Variants in P2RY12 observed in about 807,000 individuals in gnomAD.
P2RY12 encodes P2Y purinoceptor 12.
P2RY12 carries 3 observed loss-of-function variants against 4.5 expected under a neutral mutation model. That is an observed-to-expected ratio of 0.67 (90% confidence interval 0.31 to 1.74). P2RY12 has a LOEUF of 1.74. P2RY12 is among the 40% of genes most tolerant of loss of function. The pLI is 0.09. For missense variants in P2RY12, 356 were observed against 407.8 expected (o/e 0.87, Z 1.09); for synonymous variants, 148 against 154.1 (o/e 0.96, Z 0.29).
chr3:151,365,896 A>C (rs760027299), intron 1 of P2RY12: 1 of 1,613,532 alleles, frequency 6.2e-7, no homozygotes, highest in South Asian at 1.1e-5. Context: ...GGCTTGCTGC[A>C]CTGTTCTTAG....
chr3:151,346,803 C>T (rs1454147430), intron 1 of P2RY12, among the ~76,000 whole-genome samples: 2 of 152,098 alleles, frequency 1.3e-5, no homozygotes, highest in Non-Finnish European at 2.9e-5. Flanking sequence ...GAGCTGTCAC[C>T]TCTGTGTTAG....
chr3:151,382,851 G>A, intron 1 of P2RY12: 1 of 789,982 alleles, frequency 1.3e-6, no homozygotes, highest in Non-Finnish European at 2.0e-6. Context: ...ACAAGGTGAG[G>A]CCTTCCACTC....
chr3:151,338,266 A>G lies in P2RY12; in HGVS notation c.580T>C (p.Cys194Arg). 1 of 1,614,014 alleles carries G rather than the reference A, an allele frequency of 6.2e-7. No individual in the cohort carries two copies. Among genetic ancestry groups the G allele is most frequent in the Non-Finnish European group, 8.5e-7 (1 of 1,179,870 alleles). ...LVWHEIVNYI[C>R]QVIFWINFLI... ...AAATTAATCCAGAAAATGACTTGACAGATGTAATTTACTATTTCATGCCAG... is the reference window on the plus strand; with the variant it reads ...AAATTAATCCAGAAAATGACTTGACGGATGTAATTTACTATTTCATGCCAG... The change falls in exon 3 of 3, where the codon TGT becomes CGT. Residue 194 changes from cysteine (C) to arginine (R), a missense_variant. By Grantham distance (180) the Cys-to-Arg change is radical. Coordinates refer to ENST00000302632, the MANE Select transcript of P2RY12 (RefSeq NM_022788.5).
rs571932675 is a variant in P2RY12, at chr3:151,355,608, T to C, written c.-179-14848A>G. ...CATCTGTTTTGCTTTACAAATCCATTGATATTCAAATGGTTGTGTCTAAAA... is the reference window on the plus strand; with the variant it reads ...CATCTGTTTTGCTTTACAAATCCATCGATATTCAAATGGTTGTGTCTAAAA... On this transcript the variant is annotated intron_variant, in intron 1 of 2. Coordinates refer to ENST00000302632, the MANE Select transcript of P2RY12 (RefSeq NM_022788.5). Among the ~76,000 whole-genome samples, 12 of 152,344 alleles carry C rather than the reference T, an allele frequency of 7.9e-5. No homozygotes were observed. In the South Asian group the frequency reaches 2.5e-3, roughly 32 times the overall value.
intron 1 of P2RY12, among the ~76,000 whole-genome samples, chr3:151,354,065 C>T (rs962446532): frequency 4.4e-5 from 6 of 136,096 alleles, no homozygotes; most frequent in Non-Finnish European, 3.1e-5. Context: ...GGCGTGAACC[C>T]GGGAGGCGGA....
At chr3:151,344,561 G>A (rs1240762034) in intron 1 of P2RY12, among the ~76,000 whole-genome samples, 3 of 152,104 alleles carry the variant, frequency 2.0e-5, no homozygotes, top group Non-Finnish European at 4.4e-5. Context: ...GGTTTTTACT[G>A]CTTTTCTTAG....
chr3:151,384,247 G>T, intron 1 of P2RY12: 2 of 1,566,176 alleles, frequency 1.3e-6, no homozygotes, highest in African/African-American at 1.4e-5. Context: ...TGTATTATGA[G>T]CTCAAGTTGT....
chr3:151,363,978 G>T (rs1339986854), intron 1 of P2RY12, among the ~76,000 whole-genome samples: 5 of 151,980 alleles, frequency 3.3e-5, no homozygotes, highest in Non-Finnish European at 7.4e-5. Context: ...GGCTGCCATT[G>T]ATGCAAGTAT....
At chr3:151,374,802 C>CAA (rs201410926) in intron 1 of P2RY12, among the ~76,000 whole-genome samples, 4,337 of 152,226 alleles carry the variant, frequency 0.028, 81 homozygotes, top group Non-Finnish European at 0.045. Flanking sequence ...AGCTTACTTT[C>CAA]AAAAGTGAAA....
intron 1 of P2RY12, chr3:151,369,388 A>G: frequency 7.7e-7 from 1 of 1,299,822 alleles, no homozygotes; most frequent in Non-Finnish European, 1.1e-6. Context: ...ATTACAAAAC[A>G]TTACTAATGA....
intron 1 of P2RY12, among the ~76,000 whole-genome samples, chr3:151,365,612 A>C (rs1755176525): frequency 6.6e-6 from 1 of 152,192 alleles, no homozygotes; most frequent in South Asian, 2.1e-4. Flanking sequence ...AAAATATTCT[A>C]ATTCGTGTAT....
chr3:151,384,460 A>G (rs1288827700), intron 1 of P2RY12, among the ~76,000 whole-genome samples: 1 of 152,220 alleles, frequency 6.6e-6, no homozygotes, highest in Admixed American at 6.5e-5. Context: ...AGAACTTTAG[A>G]AATCCACTGT....
At chr3:151,372,201 A>AT (rs1202339228) in intron 1 of P2RY12, among the ~76,000 whole-genome samples, 2 of 152,276 alleles carry the variant, frequency 1.3e-5, no homozygotes, top group East Asian at 1.9e-4. Context: ...TGAGTAACCC[A>AT]TTTTTTCCTT....
intron 1 of P2RY12, chr3:151,360,375 T>A (rs1433892604): frequency 1.8e-5 from 20 of 1,102,030 alleles, no homozygotes; most frequent in Non-Finnish European, 2.1e-5. Context: ...ATATCCTTTT[T>A]CTTACCCAAG....
At chr3:151,345,929 C>T (rs1358814719) in intron 1 of P2RY12, among the ~76,000 whole-genome samples, 1 of 152,260 alleles carries the variant, frequency 6.6e-6, no homozygotes, top group African/African-American at 2.4e-5. Context: ...TGTAGTAACA[C>T]CTAGCATGAG....
intron 1 of P2RY12, among the ~76,000 whole-genome samples, chr3:151,347,978 G>A (rs1400420380): frequency 1.3e-5 from 2 of 152,138 alleles, no homozygotes; most frequent in African/African-American, 2.4e-5. Context: ...TGCGATGTGA[G>A]GAGCACGTGG....
At chr3:151,381,167 A>G (rs1440924508) in intron 1 of P2RY12, among the ~76,000 whole-genome samples, 1 of 152,178 alleles carries the variant, frequency 6.6e-6, no homozygotes, top group East Asian at 1.9e-4. Context: ...TTATCCTGAT[A>G]CACAGCCTAA....
chr3:151,342,485 T>G (rs556441091), intron 1 of P2RY12, among the ~76,000 whole-genome samples: 5 of 152,302 alleles, frequency 3.3e-5, no homozygotes, highest in South Asian at 2.1e-4. Flanking sequence ...AAATGCACAT[T>G]TTTGGGCACC....
Position 151,380,597 on chromosome 3 carries a change from C to CA in P2RY12, c.-180+4094dup, listed in dbSNP as rs56792030. Among the ~76,000 whole-genome samples, 490 of 113,168 alleles carry CA rather than the reference C, an allele frequency of 4.3e-3. 1 individual carries two copies. The highest frequency in any genetic ancestry group is 0.018 in the South Asian group (63 of 3,558). The allele number at this position is 113,168 out of a possible 152,430, so 74.2% of individuals were successfully genotyped here. A position where few individuals can be genotyped will look rare whatever the true frequency, so the allele number is the denominator to read the frequency against. ...GGGAAACAATAGTGAAACTCTGTCT[C>CA]AAAAAAAAAAAAAAAAAACAACTAG... On this transcript the variant is annotated intron_variant, in intron 1 of 2. Coordinates refer to ENST00000302632, the MANE Select transcript of P2RY12 (RefSeq NM_022788.5).
Sources: allele counts gnomAD v4.1 joint callset (sites outside exome capture counted in the v4.1 genomes callset), GRCh38; gene constraint gnomAD v4.1.1; transcripts MANE v1.5; gene names NCBI Gene and HGNC (gene_info 2026-07-23, HGNC 2026-07-21).